The following CGNL1 variants were observed in gnomAD, a reference collection of about 807,000 sequenced individuals.
CGNL1 encodes the protein cingulin-like protein 1.
In CGNL1, 132 loss-of-function variants were observed where a neutral mutation model predicts 141.2. The ratio of observed to expected loss-of-function variants is 0.93; its 90% confidence interval spans 0.81 to 1.08. The LOEUF is 1.08. Ranked by LOEUF, CGNL1 falls within the 50% of genes least tolerant of loss-of-function variation. CGNL1 has a pLI of 0.00. For synonymous variants in CGNL1, 690 were observed against 622.1 expected (o/e 1.11, Z -1.63); for missense variants, 1,870 against 1,588.6 (o/e 1.18, Z -3.01).
chr15:57,396,902 T>C (rs2062609166), intron 1 of CGNL1: 1 of 152,166 alleles, frequency 6.6e-6, no homozygotes, highest in East Asian at 1.9e-4. Context: ...ATAATGAATA[T>C]AACTTGATTT....
chr15:57,399,746 G>T (rs906900253), intron 1 of CGNL1, among the ~76,000 whole-genome samples: 1 of 152,098 alleles, frequency 6.6e-6, no homozygotes, highest in East Asian at 1.9e-4. Flanking sequence ...GCTCATGCCT[G>T]TAATCCTAGC....
chr15:57,381,064 A>G (rs1377601177), intron 1 of CGNL1, among the ~76,000 whole-genome samples: 2 of 152,174 alleles, frequency 1.3e-5, no homozygotes, highest in African/African-American at 4.8e-5. Context: ...TGGTTTCCAA[A>G]TAGCTGACCC....
Position 57,549,824 on chromosome 15 carries a change from T to A in CGNL1, c.*2334T>A, listed in dbSNP as rs1188604578. 6.6e-6 allele frequency: 1 copy of A among 152,178 alleles called. No homozygotes were observed. The highest frequency in any genetic ancestry group is 2.4e-5 in the African/African-American group (1 of 41,438). The allele number at this position is 152,178 out of a possible 1,614,324, so 9.4% of individuals were successfully genotyped here. Reference sequence around the variant, plus strand: ...CGCAACAAGCCTGGTTCCCTAGAGCTCACTTTGACCCTCAATATGTTCATA... The same window carrying A: ...CGCAACAAGCCTGGTTCCCTAGAGCACACTTTGACCCTCAATATGTTCATA... On this transcript the variant is annotated 3_prime_UTR_variant, in exon 19 of 19. Coordinates refer to ENST00000281282, the MANE Select transcript of CGNL1 (RefSeq NM_032866.5).
rs570450625 is a variant in CGNL1 at position 57,470,769 on chromosome 15, G to A, written c.2403+8877G>A. Among the ~76,000 whole-genome samples the A allele has an allele frequency of 3.9e-5, 6 of 152,292 alleles. No individual in the cohort carries two copies. In the East Asian group the frequency reaches 1.2e-3, roughly 29 times the overall value. ...TGTGGTCTTGTGGGCAGAAAGATGT[G>A]CAAGTAAAATGACAAAGTTATGGTT... On this transcript the variant is annotated intron_variant, in intron 8 of 18. Coordinates refer to ENST00000281282, the MANE Select transcript of CGNL1 (RefSeq NM_032866.5).
chr15:57,462,469 G>A (rs1308542894), intron 8 of CGNL1, among the ~76,000 whole-genome samples: 1 of 152,178 alleles, frequency 6.6e-6, no homozygotes, highest in Non-Finnish European at 1.5e-5. Context: ...TTATGCTGAA[G>A]TCTTTTGGGG....
intron 8 of CGNL1, among the ~76,000 whole-genome samples, chr15:57,491,211 C>A (rs1471574042): frequency 6.6e-6 from 1 of 152,088 alleles, no homozygotes; most frequent in Non-Finnish European, 1.5e-5. Flanking sequence ...CAGGGGAAGC[C>A]GAGTGTGGGA....
chr15:57,447,322 T>C (rs1261094462), intron 4 of CGNL1, among the ~76,000 whole-genome samples: 1 of 152,252 alleles, frequency 6.6e-6, no homozygotes, highest in African/African-American at 2.4e-5. Context: ...TGGAGAACTA[T>C]TTTTTGAATA....
intron 18 of CGNL1, 57 bp downstream of exon 18, chr15:57,546,296 C>G (rs1459618294): frequency 2.0e-6 from 3 of 1,492,740 alleles, no homozygotes; most frequent in Non-Finnish European, 2.7e-6. Flanking sequence ...TTGAGACAGG[C>G]TCTGCTTTCA....
chr15:57,534,531 C>T (rs534863414), intron 14 of CGNL1, among the ~76,000 whole-genome samples: 3 of 152,308 alleles, frequency 2.0e-5, no homozygotes, highest in East Asian at 3.9e-4. Context: ...GAAATGAAGG[C>T]TCTCTGGGGA....
At chr15:57,545,469 T>A in intron 16 of CGNL1, 123 bp from the exon 17 acceptor site, 1 of 733,258 alleles carries the variant, frequency 1.4e-6, no homozygotes, top group South Asian at 1.8e-5. Context: ...TGTGTTTCCC[T>A]GACCCTAAGC....
chr15:57,409,630 G>T lies in CGNL1; in HGVS notation c.-15-28355G>T, dbSNP rs181534347. Among the ~76,000 whole-genome samples, 52 of 152,278 alleles carry T rather than the reference G, an allele frequency of 3.4e-4. No homozygotes were observed. The Middle Eastern group carries it at 0.024, about 70-fold the overall frequency. Reference sequence around the variant, plus strand: ...AATCACTAACTGATGTTGTGTGAAAGGGGGAGGGAGAAGGTAGGATGCTTG... The same window carrying T: ...AATCACTAACTGATGTTGTGTGAAATGGGGAGGGAGAAGGTAGGATGCTTG... On this transcript the variant is annotated intron_variant, in intron 1 of 18. Coordinates refer to ENST00000281282, the MANE Select transcript of CGNL1 (RefSeq NM_032866.5).
chr15:57,400,999 C>T lies in CGNL1; in HGVS notation c.-16+24432C>T, dbSNP rs147529009. Among the ~76,000 whole-genome samples, 515 of 150,250 alleles carry T rather than the reference C, an allele frequency of 3.4e-3. 5 individuals are homozygous for T. The highest frequency in any genetic ancestry group is 0.012 in the African/African-American group (478 of 40,864). On this transcript the variant is annotated intron_variant, in intron 1 of 18. Transcript: ENST00000281282. ...GTTTTATCATCTCTAGTCATAACTA[C>T]GCTTTAAGGATTTGATAATTTTTTT... is the stretch of plus-strand genomic sequence containing the variant.
At chr15:57,469,450 G>A (rs1485629982) in intron 8 of CGNL1, among the ~76,000 whole-genome samples, 1 of 151,282 alleles carries the variant, frequency 6.6e-6, no homozygotes, top group East Asian at 1.9e-4. Flanking sequence ...AGGAAGAGAA[G>A]ACACAGACAC....
At chr15:57,507,643 AACTCTAC>A (rs1217754818) in intron 8 of CGNL1, among the ~76,000 whole-genome samples, 1 of 152,250 alleles carries the variant, frequency 6.6e-6, no homozygotes, top group Non-Finnish European at 1.5e-5. Context: ...GGTATATGTA[AACTCTAC>A]AAGTACGGCA....
intron 14 of CGNL1, among the ~76,000 whole-genome samples, chr15:57,539,106 C>T (rs2140220414): frequency 6.6e-6 from 1 of 152,294 alleles, no homozygotes; most frequent in South Asian, 2.1e-4. Flanking sequence ...AGCACAGCTG[C>T]AGAGCGATGC....
At chr15:57,445,041 T>G (rs2063234319) in intron 4 of CGNL1, among the ~76,000 whole-genome samples, 1 of 152,136 alleles carries the variant, frequency 6.6e-6, no homozygotes, top group Admixed American at 6.5e-5. Flanking sequence ...GAGGGAGGGT[T>G]TCTTGAGGCC....
At chr15:57,429,046 A>AG in intron 1 of CGNL1, among the ~76,000 whole-genome samples, 1 of 152,086 alleles carries the variant, frequency 6.6e-6, no homozygotes, top group South Asian at 2.1e-4. Flanking sequence ...AATAAAAAAA[A>AG]AAAAAGTGCA....
At chr15:57,455,583 C>T (rs930533336) in intron 7 of CGNL1, among the ~76,000 whole-genome samples, 1 of 152,172 alleles carries the variant, frequency 6.6e-6, no homozygotes, top group Admixed American at 6.5e-5. Flanking sequence ...AGAGCAATCA[C>T]TTTTGCTTCT....
intron 7 of CGNL1, 76 bp downstream of exon 7, chr15:57,453,894 A>C (rs1595720780): frequency 6.5e-7 from 1 of 1,546,996 alleles, no homozygotes; most frequent in Non-Finnish European, 8.8e-7. Context: ...GGGTTTGTGG[A>C]CTGCAAGCCA....
Sources: gnomAD v4.1 joint callset for allele counts (sites outside exome capture counted in the v4.1 genomes callset) on GRCh38, gnomAD v4.1.1 for gene constraint, MANE v1.5 for transcripts, NCBI Gene and HGNC (gene_info 2026-07-23, HGNC 2026-07-21) for gene names.